Variants in KCNIP4 observed in about 807,000 individuals in gnomAD.
The protein encoded by KCNIP4 is Kv channel-interacting protein 4.
A neutral mutation model predicts 34.0 loss-of-function variants in KCNIP4; 12 were observed. The ratio of observed to expected loss-of-function variants is 0.35; its 90% CI spans 0.23 to 0.57. The LOEUF (loss-of-function observed/expected upper bound fraction) is 0.57. Among genes scored for constraint, KCNIP4 ranks in the 20% least tolerant of loss-of-function variants. The pLI is 0.83. For synonymous variants in KCNIP4, 124 were observed against 102.2 expected (o/e 1.21, Z -1.29); for missense variants, 238 against 311.7 (o/e 0.76, Z 1.78).
At chr4:20,880,346 G>A (rs1724541131) in intron 2 of KCNIP4, among the ~76,000 whole-genome samples, 1 of 152,144 alleles carries the variant, frequency 6.6e-6, no homozygotes, top group South Asian at 2.1e-4. Flanking sequence ...AGGCGAAAAA[G>A]GAAGAGGAGA....
intron 1 of KCNIP4, among the ~76,000 whole-genome samples, chr4:21,630,275 C>A (rs1216568877): frequency 1.3e-5 from 2 of 151,764 alleles, no homozygotes; most frequent in Admixed American, 1.3e-4. Flanking sequence ...GACCATCCTG[C>A]CCAACATGGT....
At chr4:21,074,448 A>T (rs558191458) in intron 1 of KCNIP4, among the ~76,000 whole-genome samples, 48 of 152,078 alleles carry the variant, frequency 3.2e-4, no homozygotes, top group Non-Finnish European at 5.9e-4. Context: ...GTATTCTCTG[A>T]TGGTAGTTTG....
At chr4:21,687,838 G>T (rs959859704) in intron 1 of KCNIP4, among the ~76,000 whole-genome samples, 3 of 152,150 alleles carry the variant, frequency 2.0e-5, no homozygotes, top group Non-Finnish European at 2.9e-5. Context: ...TGATATCTGA[G>T]CTGAGAATTA....
intron 1 of KCNIP4, among the ~76,000 whole-genome samples, chr4:21,715,600 T>C (rs1399900107): frequency 6.6e-6 from 1 of 152,176 alleles, no homozygotes; most frequent in African/African-American, 2.4e-5. Flanking sequence ...GTCTCTGACA[T>C]TTTTGCTACA....
intron 1 of KCNIP4, chr4:21,304,685 C>T (rs1712240406): frequency 6.6e-6 from 1 of 152,198 alleles, no homozygotes; most frequent in South Asian, 2.1e-4. Flanking sequence ...TAAGGGAGTC[C>T]TTCAATATTG....
chr4:21,126,628 A>AAAG (rs1447806408), intron 1 of KCNIP4, among the ~76,000 whole-genome samples: 3 of 140,828 alleles, frequency 2.1e-5, no homozygotes, highest in Non-Finnish European at 4.7e-5. Context: ...AAAAAAAAAA[A>AAAG]AAAAGAAAAG....
chr4:21,083,474 G>A (rs1746176861), intron 1 of KCNIP4, among the ~76,000 whole-genome samples: 1 of 151,772 alleles, frequency 6.6e-6, no homozygotes. Context: ...GTGGACCCTA[G>A]GTGAAGTCAC....
chr4:20,819,158 C>A (rs1045820080), intron 3 of KCNIP4, among the ~76,000 whole-genome samples: 4 of 151,984 alleles, frequency 2.6e-5, no homozygotes, highest in Admixed American at 2.6e-4. Flanking sequence ...CAGCGCCTGG[C>A]CTTATGTTAT....
chr4:20,771,380 G>A (rs1378247599), intron 3 of KCNIP4, among the ~76,000 whole-genome samples: 1 of 152,166 alleles, frequency 6.6e-6, no homozygotes, highest in African/African-American at 2.4e-5. Flanking sequence ...TTTTCCTCAT[G>A]TGTAAGCCAT....
chr4:21,185,435 C>T (rs1024456812), intron 1 of KCNIP4, among the ~76,000 whole-genome samples: 1 of 151,808 alleles, frequency 6.6e-6, no homozygotes, highest in African/African-American at 2.4e-5. Context: ...TCCTCTTCCT[C>T]TTCTTTTTCT....
At chr4:21,110,224 G>A (rs531292540) in intron 1 of KCNIP4, among the ~76,000 whole-genome samples, 5 of 152,286 alleles carry the variant, frequency 3.3e-5, no homozygotes, top group East Asian at 3.9e-4. Context: ...AGCATACTCT[G>A]CATTGTTAGG....
intron 1 of KCNIP4, among the ~76,000 whole-genome samples, chr4:21,343,233 C>T (rs1385205077): frequency 6.6e-6 from 1 of 151,856 alleles, no homozygotes; most frequent in African/African-American, 2.4e-5. Flanking sequence ...TAAAAATGTA[C>T]ATAATGTACT....
intron 1 of KCNIP4, among the ~76,000 whole-genome samples, chr4:21,519,702 G>A (rs375131456): frequency 1.2e-4 from 17 of 138,986 alleles, no homozygotes; most frequent in East Asian, 4.4e-4. Flanking sequence ...ACACGTGTGT[G>A]TATGTATGTG....
intron 1 of KCNIP4, among the ~76,000 whole-genome samples, chr4:21,631,314 T>C (rs1301026056): frequency 6.6e-6 from 1 of 152,196 alleles, no homozygotes; most frequent in African/African-American, 2.4e-5. Context: ...TGCTTTTATT[T>C]TAATTAATGA....
chr4:21,583,686 C>A (rs1741403903), intron 1 of KCNIP4, among the ~76,000 whole-genome samples: 1 of 151,762 alleles, frequency 6.6e-6, no homozygotes. Flanking sequence ...GAACAAAGCC[C>A]ATTATAAAAA....
At chr4:21,656,006 G>C (rs950598795) in intron 1 of KCNIP4, among the ~76,000 whole-genome samples, 3 of 152,144 alleles carry the variant, frequency 2.0e-5, no homozygotes, top group African/African-American at 7.2e-5. Flanking sequence ...GTTTGCTAGT[G>C]CTGCTATAAC....
At chr4:21,930,098 C>T (rs375210062) in intron 1 of KCNIP4, among the ~76,000 whole-genome samples, 1 of 152,150 alleles carries the variant, frequency 6.6e-6, no homozygotes, top group African/African-American at 2.4e-5. Context: ...AAGACACACA[C>T]CTTCAACTGT....
At chr4:21,119,078 C>T (rs1749923132) in intron 1 of KCNIP4, among the ~76,000 whole-genome samples, 1 of 152,050 alleles carries the variant, frequency 6.6e-6, no homozygotes, top group Admixed American at 6.6e-5. Flanking sequence ...GGGAGAAATA[C>T]AATTATATTT....
rs779197346 is a variant in KCNIP4, at chr4:21,235,105, G to A, written c.62-352396C>T. 5.3e-5 allele frequency among the ~76,000 whole-genome samples: 8 copies of A among 152,066 alleles called. No individual in the cohort carries two copies. The East Asian group carries it at 5.8e-4, about 11-fold the overall frequency. Reference sequence around the variant, plus strand: ...AATATAATGACTATTTGAGAAATCCGTAACTAAACATATTTCAGTGTCTAT... The same window carrying A: ...AATATAATGACTATTTGAGAAATCCATAACTAAACATATTTCAGTGTCTAT... On this transcript the variant is annotated intron_variant, in intron 1 of 8. Transcript: ENST00000382152.
Sources: allele counts gnomAD v4.1 joint callset (sites outside exome capture counted in the v4.1 genomes callset), GRCh38; gene constraint gnomAD v4.1.1; transcripts MANE v1.5; gene names NCBI Gene and HGNC (gene_info 2026-07-23, HGNC 2026-07-21).